ZNF83: variants seen among roughly 807,000 people sequenced by gnomAD.
ZNF83 encodes zinc finger protein 816B.
For synonymous variants in ZNF83, 209 were observed against 213.0 expected (o/e 0.98, Z 0.17); for missense variants, 552 against 629.9 (o/e 0.88, Z 1.32).
At chr19:52,689,938 A>T (rs2062119468) in intron 1 of ZNF83, among the ~76,000 whole-genome samples, 1 of 152,126 alleles carries the variant, frequency 6.6e-6, no homozygotes, top group African/African-American at 2.4e-5. Flanking sequence ...CGGAGGAGAG[A>T]CCTGGGGAGC....
chr19:52,614,577 A>C lies in ZNF83; in HGVS notation c.-13T>G, dbSNP rs2060241406. 1 of 1,565,558 alleles carries C rather than the reference A, an allele frequency of 6.4e-7. No individual in the cohort carries two copies. The highest frequency in any genetic ancestry group is 1.4e-5 in the African/African-American group (1 of 73,474). On this transcript the variant is annotated 5_prime_UTR_variant, in exon 3 of 3. The change creates a new upstream start codon in the 5' untranslated region. Transcript: ENST00000301096. ...TTCTCCCATGCATGTCTCTTCTACC[A>C]ATGAGACTTTCCTTATAGGTCACAC...
chr19:52,675,607 G>A (rs1172974261), intron 1 of ZNF83, among the ~76,000 whole-genome samples: 2 of 152,122 alleles, frequency 1.3e-5, no homozygotes, highest in African/African-American at 2.4e-5. Flanking sequence ...ATGGGCTCAC[G>A]GGGAAATTGG....
At chr19:52,678,375 G>A (rs2061852523) in intron 1 of ZNF83, among the ~76,000 whole-genome samples, 1 of 150,456 alleles carries the variant, frequency 6.6e-6, no homozygotes, top group Admixed American at 6.6e-5. Context: ...ACTTGAACCT[G>A]GGGGACAGAG....
intron 2 of ZNF83, chr19:52,618,907 C>T (rs768286074): frequency 5.8e-6 from 9 of 1,543,798 alleles, no homozygotes; most frequent in Middle Eastern, 1.7e-4. Flanking sequence ...AAGGGAACAT[C>T]CCCACTTCTG....
At chr19:52,621,671 C>G (rs975340892) in intron 2 of ZNF83, among the ~76,000 whole-genome samples, 8 of 152,164 alleles carry the variant, frequency 5.3e-5, no homozygotes, top group African/African-American at 1.9e-4. Context: ...CCTCCTACTT[C>G]CCCCTTAGCC....
At chr19:52,669,051 A>C (rs34721100) in intron 1 of ZNF83, among the ~76,000 whole-genome samples, 12,444 of 152,216 alleles carry the variant, frequency 0.082, 550 homozygotes, top group Non-Finnish European at 0.11. Flanking sequence ...AAAATTTTTC[A>C]AAAGTTTACC....
upstream of ZNF83, among the ~76,000 whole-genome samples, chr19:52,640,677 T>C (rs1436757555): frequency 6.6e-6 from 1 of 151,984 alleles, no homozygotes; most frequent in East Asian, 1.9e-4. Flanking sequence ...AGTCCACCCC[T>C]TTACTGAGGT....
In ZNF83 at chr19:52,687,432, T is replaced by A. The variant is rs1188642704; in HGVS notation, c.-283+3011A>T. Among the ~76,000 whole-genome samples the A allele has an allele frequency of 1.6e-3, 31 of 18,858 alleles. 11 individuals are homozygous for A. The highest frequency in any genetic ancestry group is 9.7e-3 in the African/African-American group (29 of 2,982). The allele number at this position is 18,858 out of a possible 152,430, so 12.4% of individuals were successfully genotyped here. A position where few individuals can be genotyped will look rare whatever the true frequency, so the allele number is the denominator to read the frequency against. ...TATAAATTATAATATAAATTATAAT[T>A]TATATAGCTATATAAATTATAATAT... On this transcript the variant is annotated intron_variant, in intron 1 of 5. Coordinates refer to the ZNF83 transcript ENST00000594682.
intron 2 of ZNF83, chr19:52,619,137 G>A: frequency 6.2e-7 from 1 of 1,611,444 alleles, no homozygotes; most frequent in Non-Finnish European, 8.5e-7. Flanking sequence ...GGAGAGCGGT[G>A]ACAACAAGGA....
chr19:52,672,565 T>C (rs2061740607), intron 1 of ZNF83, among the ~76,000 whole-genome samples: 2 of 152,200 alleles, frequency 1.3e-5, no homozygotes, highest in African/African-American at 4.8e-5. Context: ...CTAGGCAACA[T>C]AGCACCTCAT....
rs149376368 is a variant in ZNF83 at position 52,654,360 on chromosome 19, G to A, written c.-74+1201C>T. Reference sequence around the variant, plus strand: ...TGTGGATCACTTCTCCTGTATTACCGTGCCCTGTTGATGAGAACTCCGTCA... The same window carrying A: ...TGTGGATCACTTCTCCTGTATTACCATGCCCTGTTGATGAGAACTCCGTCA... On this transcript the variant is annotated intron_variant, in intron 3 of 5. Transcript: ENST00000594682. The A allele has an allele frequency of 1.1e-4, 138 of 1,284,642 alleles. No individual in the cohort carries two copies. In the East Asian group the frequency reaches 1.9e-3, roughly 18 times the overall value. The allele number at this position is 1,284,642 out of a possible 1,614,324, so 79.6% of individuals were successfully genotyped here. A position where few individuals can be genotyped will look rare whatever the true frequency, so the allele number is the denominator to read the frequency against.
At chr19:52,656,208 GTC>G (rs56734195) in intron 2 of ZNF83, among the ~76,000 whole-genome samples, 39,945 of 144,120 alleles carry the variant, frequency 0.28, 6,337 homozygotes, top group East Asian at 0.47. Context: ...GTGAGACTCC[GTC>G]TCTCTCTCTC....
At chr19:52,684,764 G>T (rs2061986076) in intron 1 of ZNF83, among the ~76,000 whole-genome samples, 1 of 152,052 alleles carries the variant, frequency 6.6e-6, no homozygotes. Context: ...CAGGGACAAT[G>T]ACCTGAGACA....
chr19:52,657,148 A>G (rs753699183), intron 2 of ZNF83, among the ~76,000 whole-genome samples: 2 of 151,654 alleles, frequency 1.3e-5, no homozygotes, highest in Non-Finnish European at 2.9e-5. Context: ...AGCTCATTGA[A>G]TTAAGAGACA....
intron 1 of ZNF83, among the ~76,000 whole-genome samples, chr19:52,673,980 C>T (rs1236449402): frequency 1.4e-5 from 2 of 146,998 alleles, no homozygotes; most frequent in Non-Finnish European, 3.0e-5. Flanking sequence ...CATGCCACTG[C>T]CCTGCAGCCT....
intron 1 of ZNF83, chr19:52,674,260 A>G (rs558857671): frequency 6.6e-5 from 10 of 152,358 alleles, no homozygotes; most frequent in Non-Finnish European, 1.5e-4. Flanking sequence ...AACCCTAAAC[A>G]AAATAAAGAA....
At chr19:52,618,731 A>AC (rs1369191438) in intron 2 of ZNF83, 4 of 979,692 alleles carry the variant, frequency 4.1e-6, no homozygotes, top group South Asian at 1.8e-5. Flanking sequence ...TACTTCTGGA[A>AC]CCCCCACTGA....
At chr19:52,639,926 T>A (rs1347533116), upstream of ZNF83, among the ~76,000 whole-genome samples, 1 of 152,206 alleles carries the variant, frequency 6.6e-6, no homozygotes, top group Non-Finnish European at 1.5e-5. Context: ...GAAACTTCAC[T>A]GTTCTATACA....
intron 3 of ZNF83, among the ~76,000 whole-genome samples, chr19:52,648,475 A>G (rs1295411821): frequency 1.3e-5 from 2 of 152,178 alleles, no homozygotes; most frequent in African/African-American, 2.4e-5. Context: ...AGAGAGAGAG[A>G]AAGACAAATT....
Sources: gnomAD v4.1 joint callset for allele counts (sites outside exome capture counted in the v4.1 genomes callset) on GRCh38, gnomAD v4.1.1 for gene constraint, MANE v1.5 for transcripts, NCBI Gene and HGNC (gene_info 2026-07-23, HGNC 2026-07-21) for gene names.